DSG2: variants seen among roughly 807,000 people sequenced by gnomAD.
The protein encoded by DSG2 is desmoglein 2.
Under a neutral mutation model 75.6 loss-of-function variants are expected in DSG2, and 45 were observed. That is an observed-to-expected ratio of 0.60 (90% confidence interval 0.47 to 0.76). The LOEUF is 0.76. Among genes scored for constraint, DSG2 ranks in the 30% least tolerant of loss-of-function variants. DSG2 has a pLI of 0.00. For missense variants in DSG2, 1,267 were observed against 1,357.4 expected (o/e 0.93, Z 1.05); for synonymous variants, 429 against 483.9 (o/e 0.89, Z 1.49).
In DSG2 at chr18:31,501,513, C is replaced by T. The variant is rs184664684; in HGVS notation, c.45+3217C>T. Among the ~76,000 whole-genome samples, 11 of 152,294 alleles carry T rather than the reference C, an allele frequency of 7.2e-5. No homozygotes were observed. In the East Asian group the frequency reaches 1.9e-3, roughly 27 times the overall value. Reference sequence around the variant, plus strand: ...ATCCAAAATCAAGATATGGGCAGGGCCATGCTCCCTCTGAAACCAGTTTCC... The same window carrying T: ...ATCCAAAATCAAGATATGGGCAGGGTCATGCTCCCTCTGAAACCAGTTTCC... On this transcript the variant is annotated intron_variant, in intron 1 of 14. Transcript: ENST00000261590.
At chr18:31,499,205 C>T (rs73956133) in intron 1 of DSG2, among the ~76,000 whole-genome samples, 3,923 of 152,254 alleles carry the variant, frequency 0.026, 146 homozygotes, top group East Asian at 0.14. Flanking sequence ...AGAGAGTTCA[C>T]AAATATGTGT....
At chr18:31,505,841 T>C (rs542624284) in intron 1 of DSG2, among the ~76,000 whole-genome samples, 1 of 152,194 alleles carries the variant, frequency 6.6e-6, no homozygotes, top group South Asian at 2.1e-4. Context: ...TTTGTATTTT[T>C]AGTAGAGACA....
chr18:31,498,997 C>T lies in DSG2; in HGVS notation c.45+701C>T, dbSNP rs933014009. ...AAAATGGAAGTGTAGCGCCCCCTCC[C>T]CCACGCCCCACCCCTCACTCCCGGA... On this transcript the variant is annotated intron_variant, in intron 1 of 14. Transcript: ENST00000261590. Among the ~76,000 whole-genome samples, 4 of 152,166 alleles carry T rather than the reference C, an allele frequency of 2.6e-5. No individual in the cohort carries two copies. The East Asian group carries it at 7.7e-4, about 29-fold the overall frequency.
intron 8 of DSG2, among the ~76,000 whole-genome samples, chr18:31,527,470 A>T (rs1310208540): frequency 1.3e-5 from 2 of 152,224 alleles, no homozygotes; most frequent in Non-Finnish European, 2.9e-5. Flanking sequence ...TGGATAAAAA[A>T]ACAATAAAAT....
intron 14 of DSG2, 36 bp downstream of exon 14, chr18:31,542,888 G>C: frequency 1.9e-6 from 2 of 1,030,150 alleles, no homozygotes; most frequent in Non-Finnish European, 2.7e-6. Flanking sequence ...GGTGGGGGGT[G>C]GGGGGAACAT....
intron 8 of DSG2, among the ~76,000 whole-genome samples, chr18:31,526,294 G>A (rs1027703579): frequency 7.2e-5 from 11 of 151,990 alleles, no homozygotes; most frequent in African/African-American, 1.9e-4. Context: ...CAGAAGTTTC[G>A]AAATTCTTAT....
chr18:31,518,310 T>C, intron 2 of DSG2, 36 bp downstream of exon 2: 1 of 1,581,946 alleles, frequency 6.3e-7, no homozygotes, highest in Non-Finnish European at 8.7e-7. Flanking sequence ...GCCTTCTGAC[T>C]CAGGAGGGTT....
Position 31,542,174 on chromosome 18 carries a change from C to T in DSG2, c.2002-346C>T, listed in dbSNP as rs866393843. Reference sequence around the variant, plus strand: ...GAAATATAGTCTTTATTTTGGGTGGCCATGGATCCAGGTCAAAACAAAGTT... The same window carrying T: ...GAAATATAGTCTTTATTTTGGGTGGTCATGGATCCAGGTCAAAACAAAGTT... On this transcript the variant is annotated intron_variant, in intron 13 of 14. Transcript: ENST00000261590. The T allele has an allele frequency of 3.2e-5, 11 of 345,212 alleles. 1 individual carries two copies. The highest frequency in any genetic ancestry group is 3.2e-4 in the South Asian group (11 of 34,706). The allele number at this position is 345,212 out of a possible 1,614,324, so 21.4% of individuals were successfully genotyped here. A position where few individuals can be genotyped will look rare whatever the true frequency, so the allele number is the denominator to read the frequency against.
chr18:31,542,444 C>G, intron 13 of DSG2, 76 bp from the exon 14 acceptor site: 2 of 1,538,882 alleles, frequency 1.3e-6, no homozygotes, highest in Non-Finnish European at 1.8e-6. Flanking sequence ...GCCCACTTGA[C>G]TCAGATCCTT....
intron 11 of DSG2, among the ~76,000 whole-genome samples, chr18:31,537,149 A>C (rs964551481): frequency 3.5e-4 from 50 of 142,294 alleles, no homozygotes; most frequent in African/African-American, 1.2e-3. Flanking sequence ...GACAATAGTC[A>C]GTTTTTTTTT....
At chr18:31,500,453 G>C (rs2073007924) in intron 1 of DSG2, among the ~76,000 whole-genome samples, 1 of 152,138 alleles carries the variant, frequency 6.6e-6, no homozygotes, top group African/African-American at 2.4e-5. Flanking sequence ...ATGGATGCTT[G>C]TACCTTGCCT....
intron 1 of DSG2, among the ~76,000 whole-genome samples, chr18:31,514,485 T>G (rs898225722): frequency 1.3e-5 from 2 of 152,154 alleles, no homozygotes; most frequent in African/African-American, 2.4e-5. Context: ...ATACTAGCAG[T>G]CAAGAGTAAC....
At chr18:31,534,537 G>A (rs2073217221) in intron 9 of DSG2, among the ~76,000 whole-genome samples, 1 of 109,132 alleles carries the variant, frequency 9.2e-6, no homozygotes, top group Admixed American at 1.0e-4. Context: ...TTGAGATGGA[G>A]TTTTGCTCTG....
At chr18:31,518,791 T>C (rs1364034990) in intron 2 of DSG2, among the ~76,000 whole-genome samples, 2 of 152,020 alleles carry the variant, frequency 1.3e-5, no homozygotes, top group East Asian at 3.8e-4. Context: ...ACCTATTACA[T>C]AGAGCAACAA....
intron 1 of DSG2, among the ~76,000 whole-genome samples, chr18:31,511,425 G>A (rs746475042): frequency 6.6e-6 from 1 of 152,196 alleles, no homozygotes; most frequent in Admixed American, 6.5e-5. Context: ...AGTGGAGAAC[G>A]ATTGGTCTAA....
chr18:31,510,812 G>A (rs1238879448), intron 1 of DSG2, among the ~76,000 whole-genome samples: 1 of 152,072 alleles, frequency 6.6e-6, no homozygotes, highest in Non-Finnish European at 1.5e-5. Context: ...ACTTTTCCTC[G>A]TCAGTCTTAA....
Position 31,548,068 on chromosome 18 carries a change from TA to T in DSG2, c.*1326del, listed in dbSNP as rs2055754863. 1 of 152,214 alleles carries T rather than the reference TA, an allele frequency of 6.6e-6. No homozygotes were observed. Among genetic ancestry groups the T allele is most frequent in the African/African-American group, 2.4e-5 (1 of 41,474 alleles). The allele number at this position is 152,214 out of a possible 1,614,324, so 9.4% of individuals were successfully genotyped here. A position where few individuals can be genotyped will look rare whatever the true frequency, so the allele number is the denominator to read the frequency against. On this transcript the variant is annotated 3_prime_UTR_variant, in exon 15 of 15. Coordinates refer to ENST00000261590, the MANE Select transcript of DSG2 (RefSeq NM_001943.5). ...CTGTATTTATGTAATTCTTTGAAAT[TA>T]TTATTTTATTTTGATTTCTCAGTTA...
chr18:31,498,194 C>T lies in DSG2; in HGVS notation c.-58C>T. 8.2e-7 allele frequency: 1 copy of T among 1,224,350 alleles called. No homozygotes were observed. The highest frequency in any genetic ancestry group is 1.0e-6 in the Non-Finnish European group (1 of 979,946). The allele number at this position is 1,224,350 out of a possible 1,614,324, so 75.8% of individuals were successfully genotyped here. A position where few individuals can be genotyped will look rare whatever the true frequency, so the allele number is the denominator to read the frequency against. The stretch of plus-strand genomic sequence containing the variant: ...GGGCCAGGGAGGAGCCGAGTGCGCG[C>T]TCGGGGCAGGCGGCGGCGCGGAGCG... On this transcript the variant is annotated 5_prime_UTR_variant, in exon 1 of 15. Transcript: ENST00000261590.
At chr18:31,528,161 G>T (rs2073173636) in intron 8 of DSG2, among the ~76,000 whole-genome samples, 1 of 152,150 alleles carries the variant, frequency 6.6e-6, no homozygotes, top group Non-Finnish European at 1.5e-5. Context: ...AGTTACACAA[G>T]AGTAGTTATA....
Sources: gnomAD v4.1 joint callset for allele counts (sites outside exome capture counted in the v4.1 genomes callset) on GRCh38, gnomAD v4.1.1 for gene constraint, MANE v1.5 for transcripts, NCBI Gene and HGNC (gene_info 2026-07-23, HGNC 2026-07-21) for gene names.